The following PACRGL variants were observed in gnomAD, a reference collection of about 807,000 sequenced individuals.
The protein encoded by PACRGL is parkin coregulated like.
In PACRGL, 38 loss-of-function variants were observed where a neutral mutation model predicts 34.5. The observed-to-expected ratio is 1.10, with a 90% CI of 0.85 to 1.44. The LOEUF (loss-of-function observed/expected upper bound fraction) is 1.44. Among genes scored for constraint, PACRGL ranks in the 40% most tolerant of loss-of-function variants. The probability of loss-of-function intolerance (pLI) is 0.00; values close to 1 mark genes in which losing one functional copy is unlikely to be tolerated. For synonymous variants in PACRGL, 128 were observed against 100.1 expected (o/e 1.28, Z -1.66); for missense variants, 305 against 281.4 (o/e 1.08, Z -0.60).
intron 1 of PACRGL, chr4:20,701,644 G>T (rs1320588463): frequency 1.9e-5 from 6 of 317,366 alleles, no homozygotes; most frequent in Non-Finnish European, 3.8e-5. Flanking sequence ...TCATGCTCCA[G>T]GCTTGTCAGT....
At chr4:20,704,350 CT>C in intron 1 of PACRGL, 115 bp from the exon 2 acceptor site, 2 of 943,070 alleles carry the variant, frequency 2.1e-6, no homozygotes, top group Non-Finnish European at 1.6e-6. Context: ...TCCATATCAA[CT>C]TTTTTGTGTG....
intron 7 of PACRGL, among the ~76,000 whole-genome samples, chr4:20,719,830 T>C (rs1230440029): frequency 1.3e-5 from 2 of 152,062 alleles, no homozygotes; most frequent in African/African-American, 4.8e-5. Context: ...GAGAGTTCTG[T>C]AGATGTCTAT....
chr4:20,732,123 A>C lies in PACRGL; in HGVS notation c.*4782A>C. ...TAGACTTATCCCTTAATACCCTCAC[A>C]CCTGGACCAAATGAGCTGAAGCTGA... On this transcript the variant is annotated 3_prime_UTR_variant, in exon 9 of 9. Transcript: ENST00000503585. The C allele has an allele frequency of 1.7e-6, 2 of 1,191,738 alleles. No individual in the cohort carries two copies. The highest frequency in any genetic ancestry group is 2.5e-6 in the Non-Finnish European group (2 of 807,244). 73.8% of individuals were successfully genotyped at this position (1,191,738 alleles called of 1,614,324 possible).
At chr4:20,725,035 C>CA in intron 8 of PACRGL, 147 bp downstream of exon 8, 3 of 498,794 alleles carry the variant, frequency 6.0e-6, no homozygotes, top group Non-Finnish European at 9.8e-6. Context: ...TTTTAGAACT[C>CA]AAGAGTTTCT....
chr4:20,765,473 A>G, the PACRGL span, among the ~76,000 whole-genome samples: 1 of 152,128 alleles, frequency 6.6e-6, no homozygotes, highest in Non-Finnish European at 1.5e-5. Flanking sequence ...AGCTTGAGAG[A>G]TTTGAGGAAA....
At chr4:20,707,161 C>CAATT (rs1359899027) in intron 3 of PACRGL, among the ~76,000 whole-genome samples, 16 of 152,074 alleles carry the variant, frequency 1.1e-4, no homozygotes, top group Non-Finnish European at 7.4e-5. Flanking sequence ...AGTCTCTTAT[C>CAATT]AATTATATTG....
chr4:20,732,215 T>C lies in PACRGL; in HGVS notation c.*4874T>C. ...ACTGTTTCAGAGCAGGAACCAGCAGTTTTTTAGAGATAAAAATGATAGGGC... is the reference window on the plus strand; with the variant it reads ...ACTGTTTCAGAGCAGGAACCAGCAGCTTTTTAGAGATAAAAATGATAGGGC... On this transcript the variant is annotated 3_prime_UTR_variant, in exon 9 of 9. Transcript: ENST00000503585. 1.6e-6 allele frequency: 1 copy of C among 622,678 alleles called. No individual in the cohort carries two copies. Among genetic ancestry groups the C allele is most frequent in the South Asian group, 2.1e-5 (1 of 48,574 alleles). The allele number at this position is 622,678 out of a possible 1,614,324, so 38.6% of individuals were successfully genotyped here.
At chr4:20,753,770 A>T (rs988651496), downstream of PACRGL, among the ~76,000 whole-genome samples, 5 of 152,224 alleles carry the variant, frequency 3.3e-5, no homozygotes, top group African/African-American at 1.2e-4. Flanking sequence ...GACAAGAAGG[A>T]TACTCAGTGG....
upstream of PACRGL, among the ~76,000 whole-genome samples, chr4:20,698,342 A>G (rs1731323479): frequency 6.6e-6 from 1 of 152,168 alleles, no homozygotes; most frequent in Non-Finnish European, 1.5e-5. Flanking sequence ...AGAAAATTAA[A>G]CCTTAAAACC....
intron 7 of PACRGL, among the ~76,000 whole-genome samples, chr4:20,723,270 G>A (rs1744203244): frequency 6.6e-6 from 1 of 152,158 alleles, no homozygotes; most frequent in Non-Finnish European, 1.5e-5. Flanking sequence ...AGTATACAAA[G>A]TGACTCATTC....
At chr4:20,764,351 A>G in the PACRGL span, among the ~76,000 whole-genome samples, 14 of 152,190 alleles carry the variant, frequency 9.2e-5, no homozygotes, top group Admixed American at 5.9e-4. Flanking sequence ...CATTTTTTAC[A>G]TCATGATTTT....
At chr4:20,752,500 A>G (rs1310044965) in intron 8 of PACRGL, 1 of 152,260 alleles carries the variant, frequency 6.6e-6, no homozygotes, top group Non-Finnish European at 1.5e-5. Context: ...TACCTTAAAC[A>G]CATGTGATCA....
At chr4:20,698,111 C>T (rs1191086852), upstream of PACRGL, among the ~76,000 whole-genome samples, 1 of 152,094 alleles carries the variant, frequency 6.6e-6, no homozygotes, top group Non-Finnish European at 1.5e-5. Context: ...TATTAGTGTT[C>T]TTCAGTAGCC....
intron 2 of PACRGL, 54 bp downstream of exon 2, chr4:20,704,587 T>A: frequency 6.2e-7 from 1 of 1,613,032 alleles, no homozygotes. Flanking sequence ...TGGCACTTTC[T>A]GTGCTACAGA....
the PACRGL span, among the ~76,000 whole-genome samples, chr4:20,762,024 ACTGT>A: frequency 1.3e-5 from 2 of 152,196 alleles, no homozygotes; most frequent in African/African-American, 2.4e-5. Context: ...AAGAATAAAG[ACTGT>A]CTTTGTTCAG....
At chr4:20,711,309 A>C (rs1043482779) in intron 5 of PACRGL, among the ~76,000 whole-genome samples, 3 of 152,194 alleles carry the variant, frequency 2.0e-5, no homozygotes, top group African/African-American at 7.2e-5. Context: ...CCTGTTGTCC[A>C]AATGTCAATG....
intron 1 of PACRGL, among the ~76,000 whole-genome samples, chr4:20,703,221 G>C (rs185445228): frequency 3.3e-4 from 51 of 152,296 alleles, no homozygotes; most frequent in African/African-American, 1.1e-3. Context: ...GACTTTACCT[G>C]TGTTGTCCTA....
the PACRGL span, among the ~76,000 whole-genome samples, chr4:20,763,405 G>A: frequency 8.5e-5 from 13 of 152,278 alleles, no homozygotes; most frequent in African/African-American, 2.6e-4. Context: ...AAGATTTGGT[G>A]ACTTTAACAT....
chr4:20,756,017 A>G (rs1000834092), downstream of PACRGL, among the ~76,000 whole-genome samples: 13 of 152,140 alleles, frequency 8.5e-5, no homozygotes, highest in Non-Finnish European at 1.9e-4. Flanking sequence ...ACAGGCAGTA[A>G]CATGATTTGC....
Sources: allele counts gnomAD v4.1 joint callset (sites outside exome capture counted in the v4.1 genomes callset), GRCh38; gene constraint gnomAD v4.1.1; transcripts MANE v1.5; gene names NCBI Gene and HGNC (gene_info 2026-07-23, HGNC 2026-07-21).